BRWD3: variants seen among roughly 807,000 people sequenced by gnomAD.
The protein encoded by BRWD3 is bromodomain and WD repeat-containing protein 3.
BRWD3 carries 10 observed loss-of-function variants against 149.7 expected under a neutral mutation model. The ratio of observed to expected loss-of-function variants is 0.07; its 90% CI spans 0.04 to 0.11. The LOEUF (loss-of-function observed/expected upper bound fraction) is 0.11, where lower values mean the gene tolerates loss of function less well. Ranked by LOEUF, BRWD3 falls within the 10% of genes least tolerant of loss-of-function variation. BRWD3 has a pLI of 1.00. For missense variants in BRWD3, 940 were observed against 1,373.2 expected (o/e 0.68, Z 4.99); for synonymous variants, 504 against 456.7 (o/e 1.10, Z -1.32).
chrX:80,752,714 G>A (rs1018525041), intron 6 of BRWD3, among the ~76,000 whole-genome samples: 2 of 111,411 alleles, frequency 1.8e-5, no homozygotes, highest in African/African-American at 6.5e-5. Context: ...CTGTCACCCA[G>A]GCTGAAGTGC....
At chrX:80,786,607 G>A (rs1405967809) in intron 6 of BRWD3, among the ~76,000 whole-genome samples, 6 of 110,633 alleles carry the variant, frequency 5.4e-5, no homozygotes, top group South Asian at 3.8e-4. Context: ...CTCCACCTCC[G>A]AGGTTCAAGT....
At chrX:80,766,857 C>T (rs189799459) in intron 6 of BRWD3, among the ~76,000 whole-genome samples, 7 of 112,174 alleles carry the variant, frequency 6.2e-5, no homozygotes, top group African/African-American at 2.3e-4. Flanking sequence ...CCTTTCCTAG[C>T]CAACGGAAGC....
intron 6 of BRWD3, among the ~76,000 whole-genome samples, chrX:80,787,625 T>C (rs890519564): frequency 5.5e-5 from 6 of 108,292 alleles, no homozygotes; most frequent in Non-Finnish European, 9.6e-5. Context: ...ATATAAAAAT[T>C]AAAATGATCA....
intron 4 of BRWD3, among the ~76,000 whole-genome samples, chrX:80,799,794 C>A (rs1193958725): frequency 1.8e-5 from 2 of 110,884 alleles, no homozygotes; most frequent in Non-Finnish European, 3.8e-5. Context: ...ACTTATATGA[C>A]CTTAGGCAAA....
chrX:80,689,274 C>G (rs959516536), intron 33 of BRWD3, among the ~76,000 whole-genome samples: 1 of 111,368 alleles, frequency 9.0e-6, no homozygotes, highest in African/African-American at 3.3e-5. Flanking sequence ...CGAGGGTCTG[C>G]TGAGTACTAC....
intron 6 of BRWD3, among the ~76,000 whole-genome samples, chrX:80,768,614 C>A (rs986577765): frequency 9.0e-6 from 1 of 111,557 alleles, no homozygotes; most frequent in Non-Finnish European, 1.9e-5. Context: ...CGGTACCAGC[C>A]ACTGCAAAAA....
At chrX:80,742,409 T>TGTTTGAACTTTAAA (rs2073526637) in intron 8 of BRWD3, among the ~76,000 whole-genome samples, 1 of 84,413 alleles carries the variant, frequency 1.2e-5, no homozygotes. Context: ...TTTTTGGTTC[T>TGTTTGAACTTTAAA]GTAGTTTTTT....
chrX:80,788,970 C>T (rs1274566655), intron 6 of BRWD3, among the ~76,000 whole-genome samples: 2 of 111,834 alleles, frequency 1.8e-5, no homozygotes, highest in East Asian at 2.8e-4. Context: ...AAAAATGTTC[C>T]ATATTTTATT....
chrX:80,802,376 AG>A (rs2074306987), intron 4 of BRWD3, among the ~76,000 whole-genome samples: 1 of 96,654 alleles, frequency 1.0e-5, no homozygotes, highest in Admixed American at 1.2e-4. Context: ...TGGGAGGCGG[AG>A]GTTGCAGTGA....
chrX:80,779,277 T>C (rs765159126), intron 6 of BRWD3, among the ~76,000 whole-genome samples: 2 of 111,199 alleles, frequency 1.8e-5, no homozygotes, highest in Non-Finnish European at 3.8e-5. Context: ...ATTGTGCCAC[T>C]GCACTCCAGC....
intron 6 of BRWD3, among the ~76,000 whole-genome samples, chrX:80,780,648 T>C (rs2074047182): frequency 8.9e-6 from 1 of 111,752 alleles, no homozygotes; most frequent in Admixed American, 9.5e-5. Flanking sequence ...GACAAGAATC[T>C]CTTGATCTTC....
At chrX:80,692,667 T>C (rs2072628297) in intron 28 of BRWD3, among the ~76,000 whole-genome samples, 1 of 112,180 alleles carries the variant, frequency 8.9e-6, no homozygotes, top group Admixed American at 9.5e-5. Context: ...TTGTCTAAAG[T>C]AGAAATAGTT....
intron 8 of BRWD3, among the ~76,000 whole-genome samples, chrX:80,739,059 G>A (rs1273713257): frequency 1.8e-5 from 2 of 111,846 alleles, no homozygotes; most frequent in Non-Finnish European, 3.8e-5. Flanking sequence ...GCAGGGGAAA[G>A]GGAATGGAAG....
At chrX:80,761,446 G>A (rs1411459599) in intron 6 of BRWD3, among the ~76,000 whole-genome samples, 1 of 112,104 alleles carries the variant, frequency 8.9e-6, no homozygotes, top group Non-Finnish European at 1.9e-5. Flanking sequence ...TTATATGACA[G>A]GCAAAGAAGT....
At chrX:80,712,668 G>A (rs371074790) in intron 20 of BRWD3, among the ~76,000 whole-genome samples, 12,414 of 106,973 alleles carry the variant, frequency 0.12, 684 homozygotes, top group South Asian at 0.38. Flanking sequence ...AGTGAGGAGC[G>A]TCTCTGCCCA....
chrX:80,692,226 G>A (rs1030160746), intron 28 of BRWD3, 76 bp from the exon 29 acceptor site: 3 of 939,791 alleles, frequency 3.2e-6, no homozygotes, highest in Non-Finnish European at 4.6e-6. Flanking sequence ...AATTTTACAT[G>A]ACTTCTTGGG....
intron 39 of BRWD3, 89 bp from the exon 40 acceptor site, chrX:80,681,588 AT>A: frequency 1.5e-6 from 1 of 689,108 alleles, no homozygotes; most frequent in Non-Finnish European, 2.2e-6. Flanking sequence ...TATCTCTGTT[AT>A]TTTATTCTAA....
intron 14 of BRWD3, among the ~76,000 whole-genome samples, chrX:80,725,829 A>G (rs1260918094): frequency 9.0e-5 from 9 of 100,326 alleles, no homozygotes; most frequent in Admixed American, 8.4e-4. Context: ...ATATAACATA[A>G]CATGTTTACA....
chrX:80,809,504 C>A lies in BRWD3; in HGVS notation c.-33G>T. The A allele has an allele frequency of 2.2e-6, 1 of 446,633 alleles. No individual in the cohort carries two copies. The highest frequency in any genetic ancestry group is 3.5e-6 in the Non-Finnish European group (1 of 286,933). The allele number at this position is 446,633 out of a possible 1,213,427, so 36.8% of individuals were successfully genotyped here. On this transcript the variant is annotated 5_prime_UTR_variant, in exon 1 of 41. Coordinates refer to ENST00000373275, the MANE Select transcript of BRWD3 (RefSeq NM_153252.5). The stretch of plus-strand genomic sequence containing the variant: ...CCGAGGGGGTTTGGGGGCTTCGCTC[C>A]GGAGGGGCTGGCGGGGGCGGGTGGG...
Sources: allele counts gnomAD v4.1 joint callset (sites outside exome capture counted in the v4.1 genomes callset), GRCh38; gene constraint gnomAD v4.1.1; transcripts MANE v1.5; gene names NCBI Gene and HGNC (gene_info 2026-07-23, HGNC 2026-07-21).